Variants in CSGALNACT1 observed in about 807,000 individuals in gnomAD.
The protein encoded by CSGALNACT1 is chondroitin sulfate N-acetylgalactosaminyltransferase 1, also known as beta4GalNAcT-1.
Under a neutral mutation model 51.0 loss-of-function variants are expected in CSGALNACT1, and 52 were observed. That is an observed-to-expected ratio of 1.02 (90% CI 0.82 to 1.29). CSGALNACT1 has a LOEUF of 1.29. Among genes scored for constraint, CSGALNACT1 ranks in the 50% most tolerant of loss-of-function variants. The pLI, the probability that CSGALNACT1 is intolerant of heterozygous loss-of-function variation, is 0.00. For missense variants in CSGALNACT1, 935 were observed against 679.2 expected, an observed-to-expected ratio of 1.38 and a Z score of -4.19; for synonymous variants, 341 against 254.4, an observed-to-expected ratio of 1.34 and a Z score of -3.24.
At chr8:19,517,080 C>A (rs766559244) in intron 3 of CSGALNACT1, among the ~76,000 whole-genome samples, 1 of 152,096 alleles carries the variant, frequency 6.6e-6, no homozygotes, top group Non-Finnish European at 1.5e-5. Context: ...AAGTTCGAAG[C>A]ATCTCAACTA....
chr8:19,659,256 C>G (rs1195040298), intron 1 of CSGALNACT1, among the ~76,000 whole-genome samples: 1 of 152,226 alleles, frequency 6.6e-6, no homozygotes, highest in African/African-American at 2.4e-5. Context: ...GAAAGCAAGA[C>G]TAACTCAGCT....
chr8:19,536,868 C>A (rs983118460), intron 3 of CSGALNACT1, among the ~76,000 whole-genome samples: 4 of 152,160 alleles, frequency 2.6e-5, no homozygotes, highest in Non-Finnish European at 5.9e-5. Context: ...CTGCTACGTC[C>A]AACTGCTTTT....
chr8:19,736,927 A>AC (rs142956329), intron 1 of CSGALNACT1, among the ~76,000 whole-genome samples: 1 of 142,218 alleles, frequency 7.0e-6, no homozygotes, highest in African/African-American at 2.5e-5. Flanking sequence ...TCTGAACAGG[A>AC]TAAAAAAAAA....
intron 3 of CSGALNACT1, among the ~76,000 whole-genome samples, chr8:19,559,928 G>C (rs1284525620): frequency 1.3e-5 from 2 of 152,128 alleles, no homozygotes; most frequent in Non-Finnish European, 2.9e-5. Flanking sequence ...AAATGCAAAG[G>C]GCCAACTATA....
At chr8:19,569,120 A>G (rs541316092) in intron 3 of CSGALNACT1, among the ~76,000 whole-genome samples, 1 of 152,364 alleles carries the variant, frequency 6.6e-6, no homozygotes, top group East Asian at 1.9e-4. Context: ...AAGGAGACAG[A>G]TATGGAGTAC....
intron 1 of CSGALNACT1, among the ~76,000 whole-genome samples, chr8:19,722,380 A>C (rs1395021843): frequency 6.6e-6 from 1 of 152,214 alleles, no homozygotes; most frequent in Non-Finnish European, 1.5e-5. Context: ...AATAATAGTT[A>C]TAATTTCTTG....
At chr8:19,558,993 T>C (rs905684025) in intron 3 of CSGALNACT1, among the ~76,000 whole-genome samples, 1 of 152,194 alleles carries the variant, frequency 6.6e-6, no homozygotes, top group Non-Finnish European at 1.5e-5. Flanking sequence ...TTGATGTTCC[T>C]TGAACTACAT....
intron 1 of CSGALNACT1, among the ~76,000 whole-genome samples, chr8:19,692,652 T>C (rs562860624): frequency 6.6e-6 from 1 of 152,294 alleles, no homozygotes; most frequent in East Asian, 1.9e-4. Context: ...GAAAATGAGC[T>C]TTTTTAATAC....
Position 19,644,153 on chromosome 8 carries a change from G to A in CSGALNACT1, c.-544+38320C>T, listed in dbSNP as rs138939779. On this transcript the variant is annotated intron_variant, in intron 1 of 9. Coordinates refer to the CSGALNACT1 transcript ENST00000332246. ...AATTTGTGATATATGTTAATGTGTT[G>A]GAGTCTCAAGTTTGCCAATATGTGT... 3.8e-3 allele frequency among the ~76,000 whole-genome samples: 576 copies of A among 152,132 alleles called. 3 individuals are homozygous for A. The highest frequency in any genetic ancestry group is 0.013 in the African/African-American group (524 of 41,522).
At chr8:19,649,749 T>C (rs1416259456) in intron 1 of CSGALNACT1, among the ~76,000 whole-genome samples, 1 of 135,366 alleles carries the variant, frequency 7.4e-6, no homozygotes, top group African/African-American at 2.8e-5. Context: ...GCCAAGACTC[T>C]TGTTAAAAAG....
intron 3 of CSGALNACT1, among the ~76,000 whole-genome samples, chr8:19,577,222 C>T (rs867526953): frequency 2.7e-4 from 41 of 152,066 alleles, no homozygotes; most frequent in East Asian, 1.5e-3. Flanking sequence ...TTGTTCTCCA[C>T]GCGATACTAG....
At chr8:19,613,977 A>G (rs1477476820) in intron 1 of CSGALNACT1, among the ~76,000 whole-genome samples, 1 of 152,214 alleles carries the variant, frequency 6.6e-6, no homozygotes, top group Admixed American at 6.5e-5. Context: ...ATATTTAGAA[A>G]AACAGTTTCT....
intron 1 of CSGALNACT1, among the ~76,000 whole-genome samples, chr8:19,653,101 CA>C (rs1343096622): frequency 3.9e-5 from 6 of 152,198 alleles, no homozygotes; most frequent in African/African-American, 1.4e-4. Flanking sequence ...CAGTTCGAAC[CA>C]ACTCCCCCCT....
intron 1 of CSGALNACT1, among the ~76,000 whole-genome samples, chr8:19,735,038 G>A (rs908784346): frequency 2.0e-5 from 3 of 151,986 alleles, no homozygotes; most frequent in African/African-American, 7.3e-5. Context: ...AAGGGACAAG[G>A]GGCAATGTCT....
chr8:19,558,985 G>C (rs1006063712), intron 3 of CSGALNACT1, among the ~76,000 whole-genome samples: 1 of 152,066 alleles, frequency 6.6e-6, no homozygotes, highest in African/African-American at 2.4e-5. Flanking sequence ...CCAAATATTT[G>C]ATGTTCCTTG....
At chr8:19,440,011 G>C (rs2061048998) in intron 5 of CSGALNACT1, 80 bp from the exon 5 acceptor site, 1 of 1,164,080 alleles carries the variant, frequency 8.6e-7, no homozygotes, top group South Asian at 1.2e-5. Context: ...TTTTTGTAAA[G>C]TGCAAAAGGG....
chr8:19,511,874 T>C lies in CSGALNACT1; in HGVS notation c.-296-5744A>G, dbSNP rs1347191729. The stretch of plus-strand genomic sequence containing the variant: ...AAGGGAAACCAAGCATATCTTCACA[T>C]GGCAGCAGAAGAGACAGAAGGGGGA... On this transcript the variant is annotated intron_variant, in intron 3 of 9. Coordinates refer to ENST00000454498, the Ensembl canonical transcript of CSGALNACT1. Among the ~76,000 whole-genome samples the C allele has an allele frequency of 2.6e-5, 4 of 152,164 alleles. No homozygotes were observed. In the South Asian group the frequency reaches 6.2e-4, roughly 24 times the overall value.
At chr8:19,585,895 C>T (rs1332042530) in intron 3 of CSGALNACT1, among the ~76,000 whole-genome samples, 1 of 152,196 alleles carries the variant, frequency 6.6e-6, no homozygotes, top group Non-Finnish European at 1.5e-5. Context: ...CGCTTCTTTA[C>T]ATCTCAAATT....
chr8:19,690,959 G>C (rs559644777), intron 1 of CSGALNACT1, among the ~76,000 whole-genome samples: 163 of 152,258 alleles, frequency 1.1e-3, no homozygotes, highest in African/African-American at 3.8e-3. Context: ...GGGCACTGTG[G>C]CTCATGTCTG....
Sources: gnomAD v4.1 joint callset for allele counts (sites outside exome capture counted in the v4.1 genomes callset) on GRCh38, gnomAD v4.1.1 for gene constraint, MANE v1.5 for transcripts, NCBI Gene and HGNC (gene_info 2026-07-23, HGNC 2026-07-21) for gene names.